Variants in GPHN observed in about 807,000 individuals in gnomAD.
GPHN encodes the protein gephyrin.
GPHN carries 17 observed loss-of-function variants against 95.5 expected under a neutral mutation model. That is an observed-to-expected ratio of 0.18 (90% CI 0.12 to 0.27). The LOEUF (loss-of-function observed/expected upper bound fraction) is 0.27. GPHN is among the 10% of genes least tolerant of loss of function. The pLI, the probability that GPHN is intolerant of heterozygous loss-of-function variation, is 1.00. For missense variants in GPHN, 660 were observed against 978.1 expected, an observed-to-expected ratio of 0.67 and a Z score of 4.34; for synonymous variants, 320 against 322.5, an observed-to-expected ratio of 0.99 and a Z score of 0.08.
At chr14:67,501,887 C>G in the GPHN span, among the ~76,000 whole-genome samples, 4 of 152,238 alleles carry the variant, frequency 2.6e-5, no homozygotes, top group African/African-American at 9.6e-5. Context: ...TACGAATATT[C>G]ATACTGTGCA....
At chr14:67,254,358 T>C in the GPHN span, 1 of 152,124 alleles carries the variant, frequency 6.6e-6, no homozygotes, top group Non-Finnish European at 1.5e-5. Context: ...AGTATAGTTA[T>C]CTTATAGATT....
At chr14:67,486,049 T>C in the GPHN span, among the ~76,000 whole-genome samples, 2 of 152,222 alleles carry the variant, frequency 1.3e-5, no homozygotes, top group South Asian at 4.1e-4. Flanking sequence ...TGCACAGATC[T>C]GAAGCCTGAC....
At chr14:67,301,248 CTAA>C in the GPHN span, 2 of 479,310 alleles carry the variant, frequency 4.2e-6, no homozygotes, top group African/African-American at 3.9e-5. Flanking sequence ...ATTGAAAACT[CTAA>C]TAATTCTTTT....
At chr14:67,710,010 G>A in the GPHN span, among the ~76,000 whole-genome samples, 50 of 152,144 alleles carry the variant, frequency 3.3e-4, no homozygotes, top group East Asian at 7.7e-4. Flanking sequence ...GAATGTAACC[G>A]TTTGTTTACT....
At chr14:66,829,758 C>T (rs150532007) in intron 4 of GPHN, among the ~76,000 whole-genome samples, 20 of 152,226 alleles carry the variant, frequency 1.3e-4, no homozygotes, top group African/African-American at 4.8e-4. Context: ...TCCACTTGGT[C>T]ATTTGTGAAG....
chr14:66,863,208 A>G (rs1428520485), intron 4 of GPHN, among the ~76,000 whole-genome samples: 1 of 151,134 alleles, frequency 6.6e-6, no homozygotes, highest in East Asian at 1.9e-4. Flanking sequence ...AAGAAAAAAA[A>G]AAAAGTCCCA....
chr14:67,053,493 C>T (rs1252142349), intron 10 of GPHN, among the ~76,000 whole-genome samples: 1 of 151,996 alleles, frequency 6.6e-6, no homozygotes, highest in Non-Finnish European at 1.5e-5. Context: ...CCAAAAAAAG[C>T]CCAGGACCAG....
chr14:66,508,433 T>G lies in GPHN; in HGVS notation c.-95T>G. 1 of 1,069,390 alleles carries G rather than the reference T, an allele frequency of 9.4e-7. No homozygotes were observed. The highest frequency in any genetic ancestry group is 1.5e-6 in the Non-Finnish European group (1 of 683,830). The allele number at this position is 1,069,390 out of a possible 1,614,324, so 66.2% of individuals were successfully genotyped here. ...CCTCGCGCTTCTCTGGCTCCCTAGC[T>G]GTCGCGCTCTCCTCGGCGAGCGCGC... On this transcript the variant is annotated 5_prime_UTR_variant, in exon 1 of 23. Coordinates refer to ENST00000478722, the MANE Select transcript of GPHN (RefSeq NM_020806.5).
chr14:67,225,968 CGCGCGCGTGCGCATGCGCGT>C, the GPHN span, among the ~76,000 whole-genome samples: 1 of 78,930 alleles, frequency 1.3e-5, no homozygotes, highest in South Asian at 3.7e-4. Context: ...TGTGTGCGCG[CGCGCGCGTGCGCATGCGCGT>C]GCATGCTCAT....
At chr14:67,367,393 G>C in the GPHN span, among the ~76,000 whole-genome samples, 1 of 152,192 alleles carries the variant, frequency 6.6e-6, no homozygotes, top group South Asian at 2.1e-4. Flanking sequence ...ACCATGCCCA[G>C]CTAATTTTTG....
At chr14:67,473,869 G>C in the GPHN span, 2 of 1,612,050 alleles carry the variant, frequency 1.2e-6, no homozygotes, top group Non-Finnish European at 8.5e-7. This position sits in a 1 kb window ranked among gnomAD's most constrained non-coding sequence, Gnocchi z 6.5. Context: ...AAGTAGCCGT[G>C]GATGGCATAC....
At chr14:66,756,842 A>G (rs2058573884) in intron 2 of GPHN, among the ~76,000 whole-genome samples, 1 of 152,204 alleles carries the variant, frequency 6.6e-6, no homozygotes, top group African/African-American at 2.4e-5. Flanking sequence ...CTAGGTTATG[A>G]TGTTTATTTA....
At chr14:66,813,890 C>T (rs1368291273) in intron 3 of GPHN, among the ~76,000 whole-genome samples, 2 of 152,126 alleles carry the variant, frequency 1.3e-5, no homozygotes, top group South Asian at 2.1e-4. Flanking sequence ...GTACCCACGC[C>T]GTAGCTTCAA....
intron 1 of GPHN, among the ~76,000 whole-genome samples, chr14:66,585,324 C>T (rs1472942621): frequency 6.6e-6 from 1 of 152,064 alleles, no homozygotes; most frequent in Non-Finnish European, 1.5e-5. Flanking sequence ...TTTTGTTGAT[C>T]TTTTCAAAAA....
At chr14:66,724,884 C>T (rs2071077652) in intron 2 of GPHN, among the ~76,000 whole-genome samples, 1 of 151,986 alleles carries the variant, frequency 6.6e-6, no homozygotes, top group South Asian at 2.1e-4. Context: ...AAAGCTGGGC[C>T]CAGAACTAAA....
chr14:66,724,665 C>G (rs1395902122), intron 2 of GPHN, among the ~76,000 whole-genome samples: 2 of 152,156 alleles, frequency 1.3e-5, no homozygotes, highest in Non-Finnish European at 2.9e-5. Context: ...GTCTTAAAAT[C>G]TGCTTCAGAG....
At chr14:66,538,310 G>T (rs1351497421) in intron 1 of GPHN, among the ~76,000 whole-genome samples, 2 of 151,440 alleles carry the variant, frequency 1.3e-5, no homozygotes, top group South Asian at 2.1e-4. Flanking sequence ...CATGTTTGGG[G>T]TTTGCTGGGT....
At chr14:66,550,319 C>T (rs2059765221) in intron 1 of GPHN, among the ~76,000 whole-genome samples, 1 of 152,158 alleles carries the variant, frequency 6.6e-6, no homozygotes, top group East Asian at 1.9e-4. Flanking sequence ...CAAGACTTCA[C>T]TGATGGATGT....
chr14:67,357,682 G>A, the GPHN span, among the ~76,000 whole-genome samples: 1 of 152,218 alleles, frequency 6.6e-6, no homozygotes, highest in African/African-American at 2.4e-5. Flanking sequence ...TGATAGTAGG[G>A]GAAAGGGCTG....
Sources: allele counts gnomAD v4.1 joint callset (sites outside exome capture counted in the v4.1 genomes callset), GRCh38; gene constraint gnomAD v4.1.1; non-coding constraint Gnocchi (gnomAD v3.1); transcripts MANE v1.5; gene names NCBI Gene and HGNC (gene_info 2026-07-23, HGNC 2026-07-21).